The following VWA8 variants were observed in gnomAD, a reference collection of about 807,000 sequenced individuals.
VWA8 encodes von Willebrand factor A domain-containing protein 8.
Under a neutral mutation model 241.5 loss-of-function variants are expected in VWA8, and 221 were observed. That is an observed-to-expected ratio of 0.91 (90% CI 0.82 to 1.02). The LOEUF (loss-of-function observed/expected upper bound fraction) is 1.02. VWA8 is among the 50% of genes least tolerant of loss of function. The pLI is 0.00. For synonymous variants in VWA8, 852 were observed against 827.1 expected (o/e 1.03, Z -0.52); for missense variants, 2,322 against 2,328.7 (o/e 1.00, Z 0.06).
At chr13:41,799,244 G>C (rs895789103) in intron 17 of VWA8, among the ~76,000 whole-genome samples, 20 of 152,110 alleles carry the variant, frequency 1.3e-4, no homozygotes, top group African/African-American at 4.8e-4. Flanking sequence ...AGGATATTTA[G>C]TGTACTGATC....
chr13:41,692,972 T>C lies in VWA8; in HGVS notation c.3565A>G (p.Ser1189Gly), dbSNP rs777705771. 6 of 1,578,676 alleles carry C rather than the reference T, an allele frequency of 3.8e-6. No individual in the cohort carries two copies. The South Asian group carries it at 5.7e-5, about 15-fold the overall frequency. ...GTATCTAACAACAGGATAACATTAC[T>C]CTGCAAATGATAAAAACAGTGAAAA... is the stretch of plus-strand genomic sequence containing the variant. ...KGQVVLHEQQ[S>G]NVILLLDTTG... Residue 1189 changes from serine (S) to glycine (G), a missense_variant and splice_region_variant, in exon 30 of 45, where the codon AGT becomes GGT. Physicochemically the swap from Ser to Gly is moderately conservative, Grantham distance 56 (BLOSUM62 0). Transcript: ENST00000379310.
intron 2 of VWA8, chr13:41,926,735 G>T: frequency 1.9e-6 from 1 of 537,994 alleles, no homozygotes; most frequent in South Asian, 1.4e-5. Flanking sequence ...CTATGATACT[G>T]ACTTCACCCC....
At chr13:41,821,318 TATA>T (rs1870948642) in intron 14 of VWA8, among the ~76,000 whole-genome samples, 1 of 152,158 alleles carries the variant, frequency 6.6e-6, no homozygotes, top group African/African-American at 2.4e-5. Context: ...CAGAGAAATG[TATA>T]ATGATTATAA....
intron 4 of VWA8, among the ~76,000 whole-genome samples, chr13:41,892,967 G>T (rs1177750759): frequency 6.6e-6 from 1 of 152,078 alleles, no homozygotes; most frequent in African/African-American, 2.4e-5. Flanking sequence ...CTCACATGTG[G>T]TATTTCTGTG....
chr13:41,827,977 T>G (rs1871251414), intron 14 of VWA8, among the ~76,000 whole-genome samples: 1 of 152,136 alleles, frequency 6.6e-6, no homozygotes, highest in African/African-American at 2.4e-5. Context: ...CTTCTGAAAA[T>G]ATAAACTGTT....
intron 20 of VWA8, among the ~76,000 whole-genome samples, chr13:41,771,466 A>T (rs1485626905): frequency 6.6e-6 from 1 of 152,216 alleles, no homozygotes; most frequent in African/African-American, 2.4e-5. Context: ...ATTTCAGAAC[A>T]CAACATTCCT....
intron 12 of VWA8, among the ~76,000 whole-genome samples, chr13:41,844,058 C>A (rs1308806419): frequency 6.6e-6 from 1 of 152,030 alleles, no homozygotes; most frequent in African/African-American, 2.4e-5. Context: ...TAGGCCAATA[C>A]CCTTGAGGAA....
At chr13:41,592,207 A>C (rs1209913908) in intron 40 of VWA8, among the ~76,000 whole-genome samples, 1 of 142,352 alleles carries the variant, frequency 7.0e-6, no homozygotes, top group Non-Finnish European at 1.5e-5. Flanking sequence ...TCAGTAAACT[A>C]TCGCAAGAAC....
intron 37 of VWA8, among the ~76,000 whole-genome samples, chr13:41,637,940 T>C (rs545573241): frequency 1.3e-5 from 2 of 152,344 alleles, no homozygotes; most frequent in Middle Eastern, 3.4e-3. Flanking sequence ...ACTTGAGTTT[T>C]AGTTCTAGTT....
chr13:41,745,134 T>C (rs1298895743), intron 21 of VWA8, among the ~76,000 whole-genome samples: 3 of 152,008 alleles, frequency 2.0e-5, no homozygotes, highest in Non-Finnish European at 2.9e-5. Flanking sequence ...CCACTGCACC[T>C]GGCCTATTTT....
rs2045053872 is a variant in VWA8 at position 41,675,401 on chromosome 13, G to GATCT, written c.4328-109_4328-106dup. 4 of 730,322 alleles carry GATCT rather than the reference G, an allele frequency of 5.5e-6. No individual in the cohort carries two copies. The Admixed American group carries it at 1.0e-4, about 18-fold the overall frequency. The allele number at this position is 730,322 out of a possible 1,614,324, so 45.2% of individuals were successfully genotyped here. A position where few individuals can be genotyped will look rare whatever the true frequency, so the allele number is the denominator to read the frequency against. On this transcript the variant is annotated intron_variant, in intron 35 of 44. Coordinates refer to ENST00000379310, the MANE Select transcript of VWA8 (RefSeq NM_015058.2). Reference sequence around the variant, plus strand: ...TCTGTAGCCTAGGGTAGAACGCTGGGATCTACTTGACAAGGTACTGGGTCA... The same window carrying GATCT: ...TCTGTAGCCTAGGGTAGAACGCTGGGATCTATCTACTTGACAAGGTACTGGGTCA...
chr13:41,676,039 T>C (rs147040173), intron 35 of VWA8, among the ~76,000 whole-genome samples: 86 of 152,130 alleles, frequency 5.7e-4, no homozygotes, highest in Non-Finnish European at 1.2e-3. Flanking sequence ...TCCCAAAAGA[T>C]AGATAAAAGT....
At chr13:41,874,405 G>A (rs1873799431) in intron 9 of VWA8, among the ~76,000 whole-genome samples, 1 of 152,148 alleles carries the variant, frequency 6.6e-6, no homozygotes, top group Admixed American at 6.5e-5. Flanking sequence ...GTCTCTGTTT[G>A]CAGATGACAT....
intron 17 of VWA8, among the ~76,000 whole-genome samples, chr13:41,808,350 C>T (rs1442518953): frequency 6.6e-6 from 1 of 152,156 alleles, no homozygotes; most frequent in Non-Finnish European, 1.5e-5. Flanking sequence ...GTACAGGACA[C>T]ATGACGCTGG....
chr13:41,787,348 GTTTAT>G (rs1376953310), intron 18 of VWA8, 84 bp downstream of exon 18: 27 of 1,090,464 alleles, frequency 2.5e-5, no homozygotes, highest in Middle Eastern at 5.1e-4. Flanking sequence ...CTGTTTAACT[GTTTAT>G]TTTAACTGGA....
At chr13:41,952,187 C>T (rs1878166966) in intron 1 of VWA8, among the ~76,000 whole-genome samples, 2 of 152,126 alleles carry the variant, frequency 1.3e-5, no homozygotes, top group African/African-American at 4.8e-5. Context: ...AATTAGAAAC[C>T]CTAAGGTCCA....
intron 37 of VWA8, among the ~76,000 whole-genome samples, chr13:41,666,313 C>G (rs1172437485): frequency 5.9e-5 from 9 of 152,106 alleles, no homozygotes; most frequent in African/African-American, 2.2e-4. Flanking sequence ...CTGCAGGCTT[C>G]CACATTTCCT....
At chr13:41,861,867 C>G (rs1156776268) in intron 12 of VWA8, among the ~76,000 whole-genome samples, 2 of 152,170 alleles carry the variant, frequency 1.3e-5, no homozygotes, top group Non-Finnish European at 2.9e-5. Flanking sequence ...AATGGCCATA[C>G]TGCCCAAAGC....
At position 41,727,181 on chromosome 13, in the gene VWA8, T is replaced by G. The variant is rs753965688; in HGVS notation, c.2758+13A>C. On this transcript the variant is annotated intron_variant, in intron 24 of 44. Coordinates refer to ENST00000379310, the MANE Select transcript of VWA8 (RefSeq NM_015058.2). ...ACTGCTATTGGTATTGTTATTATCA[T>G]TACTGTTTTTACCTAAGGTACCGAA... 6.5e-7 allele frequency: 1 copy of G among 1,532,700 alleles called. No individual in the cohort carries two copies. Among genetic ancestry groups the G allele is most frequent in the Non-Finnish European group, 8.8e-7 (1 of 1,137,102 alleles). The allele number at this position is 1,532,700 out of a possible 1,614,324, so 94.9% of individuals were successfully genotyped here. A position where few individuals can be genotyped will look rare whatever the true frequency, so the allele number is the denominator to read the frequency against.
Sources: allele counts gnomAD v4.1 joint callset (sites outside exome capture counted in the v4.1 genomes callset), GRCh38; gene constraint gnomAD v4.1.1; transcripts MANE v1.5; gene names NCBI Gene and HGNC (gene_info 2026-07-23, HGNC 2026-07-21).